The following SNAP25 variants were observed in gnomAD, a reference collection of about 807,000 sequenced individuals.
SNAP25 encodes synaptosomal-associated protein 25.
A neutral mutation model predicts 28.7 loss-of-function variants in SNAP25; 3 were observed. That is an observed-to-expected ratio of 0.10 (90% confidence interval 0.05 to 0.27). The LOEUF (loss-of-function observed/expected upper bound fraction) is 0.27, where lower values mean the gene tolerates loss of function less well. Among genes scored for constraint, SNAP25 ranks in the 10% least tolerant of loss-of-function variants. The pLI, the probability that SNAP25 is intolerant of heterozygous loss-of-function variation, is 1.00. For synonymous variants in SNAP25, 61 were observed against 88.1 expected (o/e 0.69, Z 1.72); for missense variants, 117 against 278.7 (o/e 0.42, Z 4.13).
intron 1 of SNAP25, among the ~76,000 whole-genome samples, chr20:10,232,043 G>A (rs749030232): frequency 7.2e-5 from 11 of 152,174 alleles, no homozygotes; most frequent in East Asian, 1.9e-4. Context: ...AAGCAGAGAC[G>A]TAGCTGGAAT....
intron 1 of SNAP25, among the ~76,000 whole-genome samples, chr20:10,230,513 A>C (rs2062810766): frequency 6.6e-6 from 1 of 152,096 alleles, no homozygotes; most frequent in Non-Finnish European, 1.5e-5. Context: ...CATCAGCATC[A>C]CCCAGGATTT....
At position 10,306,167 on chromosome 20, in the gene SNAP25, A is replaced by C. The variant is rs2064355285; in HGVS notation, c.591A>C (p.Gln197His). 1.9e-6 allele frequency: 3 copies of C among 1,613,710 alleles called. No individual in the cohort carries two copies. The highest frequency in any genetic ancestry group is 2.5e-6 in the Non-Finnish European group (3 of 1,179,812). ...AAACCAGAATTGATGAGGCCAACCA[A>C]CGTGCAACAAAGATGCTGGGAAGTG... Reference protein sequence around the residue: ...SNKTRIDEANQRATKMLGSG With the variant: ...SNKTRIDEANHRATKMLGSG The change falls in exon 8 of 8, where the codon CAA becomes CAC. Residue 197 changes from glutamine to histidine, a missense_variant. Gln to His is a conservative substitution (Grantham distance 24). Coordinates refer to ENST00000254976, the MANE Select transcript of SNAP25 (RefSeq NM_130811.4).
chr20:10,300,296 C>T (rs771738105), intron 7 of SNAP25, among the ~76,000 whole-genome samples: 2 of 152,072 alleles, frequency 1.3e-5, no homozygotes, highest in East Asian at 1.9e-4. Flanking sequence ...CACAGAACTC[C>T]GACATAATTT....
At chr20:10,263,079 C>T (rs2063447359) in intron 1 of SNAP25, among the ~76,000 whole-genome samples, 2 of 130,612 alleles carry the variant, frequency 1.5e-5, no homozygotes, top group Admixed American at 9.7e-5. Context: ...AGTGCAGTGG[C>T]GCAGTCTCAG....
chr20:10,275,460 G>C lies in SNAP25; in HGVS notation c.-32G>C. On this transcript the variant is annotated 5_prime_UTR_variant, in exon 2 of 8. Transcript: ENST00000254976. ...AGCCAAACCCGTCACTGACCCCCCA[G>C]CCCAGGCGCCCAGCCACTCCCCACC... 1 of 1,579,064 alleles carries C rather than the reference G, an allele frequency of 6.3e-7. No homozygotes were observed. The highest frequency in any genetic ancestry group is 8.6e-7 in the Non-Finnish European group (1 of 1,161,396).
At chr20:10,224,081 C>T (rs528668324) in intron 1 of SNAP25, among the ~76,000 whole-genome samples, 3 of 152,120 alleles carry the variant, frequency 2.0e-5, no homozygotes, top group East Asian at 3.9e-4. Context: ...ATTTCCATTT[C>T]GCAGATGAAA....
intron 1 of SNAP25, among the ~76,000 whole-genome samples, chr20:10,237,609 C>A (rs2062947230): frequency 1.3e-5 from 2 of 152,144 alleles, no homozygotes; most frequent in Non-Finnish European, 1.5e-5. Context: ...CTAGTGGGTA[C>A]CATTCATTCA....
At chr20:10,224,549 C>T (rs1322864900) in intron 1 of SNAP25, among the ~76,000 whole-genome samples, 2 of 151,898 alleles carry the variant, frequency 1.3e-5, no homozygotes, top group Non-Finnish European at 2.9e-5. Flanking sequence ...GGCAATGGGT[C>T]CTGGCCTAGT....
At chr20:10,259,561 CAG>C (rs111570707) in intron 1 of SNAP25, among the ~76,000 whole-genome samples, 56,079 of 151,682 alleles carry the variant, frequency 0.37, 10,998 homozygotes, top group Middle Eastern at 0.54. Context: ...TTTTTTGAGA[CAG>C]AGTCTCATTC....
chr20:10,220,533 T>C (rs1432350910), intron 1 of SNAP25, among the ~76,000 whole-genome samples: 1 of 152,218 alleles, frequency 6.6e-6, no homozygotes, highest in Non-Finnish European at 1.5e-5. Context: ...ATTTCTCTTA[T>C]GGCACTGCGG....
intron 1 of SNAP25, chr20:10,219,587 G>A (rs990516152): frequency 3.3e-5 from 5 of 152,274 alleles, no homozygotes; most frequent in Non-Finnish European, 5.9e-5. Context: ...GGCTGGCGCG[G>A]GTGGGCTGGC....
chr20:10,251,523 A>G (rs563325826), intron 1 of SNAP25, among the ~76,000 whole-genome samples: 42 of 152,348 alleles, frequency 2.8e-4, no homozygotes, highest in African/African-American at 9.9e-4. Context: ...AAAAGTAAGT[A>G]GGGAAGCATT....
At chr20:10,277,471 G>A (rs942746552) in intron 2 of SNAP25, among the ~76,000 whole-genome samples, 1 of 152,194 alleles carries the variant, frequency 6.6e-6, no homozygotes, top group African/African-American at 2.4e-5. Flanking sequence ...AAGATAAGCT[G>A]TAATGTAATT....
intron 4 of SNAP25, among the ~76,000 whole-genome samples, chr20:10,292,303 C>T (rs756762587): frequency 9.9e-5 from 15 of 152,138 alleles, no homozygotes; most frequent in African/African-American, 1.7e-4. Flanking sequence ...ACAGCTTTTA[C>T]GAATTACATA....
At chr20:10,235,600 T>C (rs1196916716) in intron 1 of SNAP25, among the ~76,000 whole-genome samples, 1 of 152,184 alleles carries the variant, frequency 6.6e-6, no homozygotes, top group Non-Finnish European at 1.5e-5. Flanking sequence ...CCTGAAGCAG[T>C]TATTTTTCTT....
At chr20:10,275,266 CG>C (rs1040064194) in intron 1 of SNAP25, among the ~76,000 whole-genome samples, 162 bp from the exon 2 acceptor site, 3 of 152,154 alleles carry the variant, frequency 2.0e-5, no homozygotes, top group African/African-American at 7.2e-5. Flanking sequence ...TGGCATCCTT[CG>C]GAGAAACAGC....
Position 10,306,437 on chromosome 20 carries a change from G to C in SNAP25, c.*240G>C. ...CATTTGGTGGCTCTAACTCCTTGAGGTCTTGAGTTTCATTTTTCATTTTCT... is the reference window on the plus strand; with the variant it reads ...CATTTGGTGGCTCTAACTCCTTGAGCTCTTGAGTTTCATTTTTCATTTTCT... On this transcript the variant is annotated 3_prime_UTR_variant, in exon 8 of 8. Coordinates refer to ENST00000254976, the MANE Select transcript of SNAP25 (RefSeq NM_130811.4). The C allele has an allele frequency of 2.6e-6, 1 of 382,002 alleles. No individual in the cohort carries two copies. Among genetic ancestry groups the C allele is most frequent in the Non-Finnish European group, 4.7e-6 (1 of 212,192 alleles). 23.7% of individuals were successfully genotyped at this position (382,002 alleles called of 1,614,324 possible). A position where few individuals can be genotyped will look rare whatever the true frequency, so the allele number is the denominator to read the frequency against.
intron 1 of SNAP25, among the ~76,000 whole-genome samples, chr20:10,243,565 T>C (rs1487291000): frequency 6.6e-6 from 1 of 152,138 alleles, no homozygotes; most frequent in African/African-American, 2.4e-5. Context: ...AGGGATCCTG[T>C]GGAATGTCAT....
chr20:10,228,038 C>G (rs574394315), intron 1 of SNAP25, among the ~76,000 whole-genome samples: 1 of 152,186 alleles, frequency 6.6e-6, no homozygotes, highest in South Asian at 2.1e-4. Context: ...GGGAGAGAAT[C>G]ATAAGCCTGG....
Sources: gnomAD v4.1 joint callset for allele counts (sites outside exome capture counted in the v4.1 genomes callset) on GRCh38, gnomAD v4.1.1 for gene constraint, MANE v1.5 for transcripts, NCBI Gene and HGNC (gene_info 2026-07-23, HGNC 2026-07-21) for gene names.